TMEM232: variants seen among roughly 807,000 people sequenced by gnomAD.
TMEM232 encodes transmembrane protein 232.
A neutral mutation model predicts 78.8 loss-of-function variants in TMEM232; 80 were observed. The ratio of observed to expected loss-of-function variants is 1.01; its 90% CI spans 0.85 to 1.22. TMEM232 has a LOEUF of 1.22. Among genes scored for constraint, TMEM232 ranks in the 50% most tolerant of loss-of-function variants. The probability of loss-of-function intolerance (pLI) is 0.00; values close to 1 mark genes in which losing one functional copy is unlikely to be tolerated. For synonymous variants in TMEM232, 297 were observed against 254.3 expected, an observed-to-expected ratio of 1.17 and a Z score of -1.60; for missense variants, 881 against 742.2, an observed-to-expected ratio of 1.19 and a Z score of -2.17.
In TMEM232 at chr5:110,532,130, G is replaced by C. The variant is rs575610144; in HGVS notation, c.1456-3295C>G. ...GCTTGCTACAAGTGCCAAAAATCTG[G>C]CCACCAAGCCAAAGAATAGCCGCAG... On this transcript the variant is annotated intron_variant, in intron 11 of 13. Coordinates refer to ENST00000455884, the MANE Select transcript of TMEM232 (RefSeq NM_001039763.4). 7.2e-5 allele frequency among the ~76,000 whole-genome samples: 11 copies of C among 152,100 alleles called. No homozygotes were observed. In the East Asian group the frequency reaches 1.7e-3, roughly 24 times the overall value.
intron 2 of TMEM232, among the ~76,000 whole-genome samples, chr5:110,404,186 C>A (rs933325341): frequency 6.6e-6 from 1 of 151,988 alleles, no homozygotes; most frequent in Non-Finnish European, 1.5e-5. Context: ...AGAGGCTTAA[C>A]TTATAATGTC....
chr5:110,534,604 C>T (rs1772048897), intron 11 of TMEM232, among the ~76,000 whole-genome samples: 1 of 152,120 alleles, frequency 6.6e-6, no homozygotes, highest in African/African-American at 2.4e-5. Context: ...TCCTATTCAC[C>T]GTTCTCAACT....
chr5:110,645,175 G>C (rs10463609), intron 2 of TMEM232, among the ~76,000 whole-genome samples: 26,087 of 151,342 alleles, frequency 0.17, 3,207 homozygotes, highest in African/African-American at 0.34. Flanking sequence ...TACCAACTCT[G>C]TTAAACTCTT....
At chr5:110,492,440 T>A (rs1405907374) in intron 12 of TMEM232, among the ~76,000 whole-genome samples, 1 of 151,826 alleles carries the variant, frequency 6.6e-6, no homozygotes, top group South Asian at 2.1e-4. Context: ...TAAAAATATA[T>A]CTTATTAATG....
chr5:110,595,501 C>T (rs574271479), intron 10 of TMEM232, among the ~76,000 whole-genome samples: 2 of 152,022 alleles, frequency 1.3e-5, no homozygotes, highest in South Asian at 4.2e-4. Flanking sequence ...ATGTTCTAAC[C>T]CAATACAAGG....
At chr5:110,490,541 C>G (rs894624629) in intron 12 of TMEM232, among the ~76,000 whole-genome samples, 1 of 151,996 alleles carries the variant, frequency 6.6e-6, no homozygotes, top group Admixed American at 6.6e-5. Context: ...TGCAGTGGAA[C>G]AAGAATAGCC....
At chr5:110,717,034 A>T (rs901189175) in intron 1 of TMEM232, among the ~76,000 whole-genome samples, 3 of 152,118 alleles carry the variant, frequency 2.0e-5, no homozygotes, top group African/African-American at 7.2e-5. Context: ...AGACTAGTTG[A>T]AAGACCACTT....
chr5:110,527,756 C>A (rs187350649), intron 12 of TMEM232, among the ~76,000 whole-genome samples: 131 of 151,972 alleles, frequency 8.6e-4, no homozygotes, highest in Admixed American at 1.6e-3. Context: ...GAGCACTGAA[C>A]ATATCAAAAA....
rs766765468 is a variant in TMEM232 at position 110,568,417 on chromosome 5, A to G, written c.1455+30T>C. 6.7e-6 allele frequency: 10 copies of G among 1,499,794 alleles called. No homozygotes were observed. In the South Asian group the frequency reaches 7.8e-5, roughly 12 times the overall value. The allele number at this position is 1,499,794 out of a possible 1,614,324, so 92.9% of individuals were successfully genotyped here. On this transcript the variant is annotated intron_variant, in intron 11 of 13. Transcript: ENST00000455884. ...AACCGTGCTTCCTAATGATAGATGT[A>G]CATATTTATTGCCCAGTGTTTTACC...
chr5:110,733,639 A>G (rs1580828933), intron 2 of TMEM232, among the ~76,000 whole-genome samples: 3 of 152,324 alleles, frequency 2.0e-5, no homozygotes, highest in Non-Finnish European at 4.4e-5. Flanking sequence ...TGATGAGAAC[A>G]CAGAGACACA....
At chr5:110,651,434 G>A (rs941280829) in intron 2 of TMEM232, among the ~76,000 whole-genome samples, 10 of 150,822 alleles carry the variant, frequency 6.6e-5, no homozygotes, top group Non-Finnish European at 1.5e-4. Context: ...AAGGAAGGAA[G>A]GGAAGGGGAG....
intron 12 of TMEM232, among the ~76,000 whole-genome samples, chr5:110,432,149 A>G (rs1757926423): frequency 6.6e-6 from 1 of 151,676 alleles, no homozygotes; most frequent in Non-Finnish European, 1.5e-5. Flanking sequence ...GTGAGATACT[A>G]TATAAGGTCA....
chr5:110,555,375 G>A (rs1774955486), intron 11 of TMEM232, among the ~76,000 whole-genome samples: 1 of 152,078 alleles, frequency 6.6e-6, no homozygotes, highest in Admixed American at 6.6e-5. Context: ...GAGTATAATT[G>A]GTATGATTTT....
intron 11 of TMEM232, among the ~76,000 whole-genome samples, chr5:110,550,064 T>TA (rs1227023830): frequency 6.6e-6 from 1 of 152,172 alleles, no homozygotes; most frequent in African/African-American, 2.4e-5. Flanking sequence ...TGCAAAATCT[T>TA]AAAGTATTAT....
chr5:110,627,501 T>A (rs567414083), intron 6 of TMEM232, among the ~76,000 whole-genome samples: 3 of 152,112 alleles, frequency 2.0e-5, no homozygotes, highest in South Asian at 2.1e-4. Flanking sequence ...ACATGATAAC[T>A]ATAGTTAATA....
chr5:110,514,937 A>C (rs1390954343), intron 12 of TMEM232, among the ~76,000 whole-genome samples: 1 of 152,260 alleles, frequency 6.6e-6, no homozygotes, highest in Non-Finnish European at 1.5e-5. Context: ...TCTAAAAATC[A>C]TACGGCAGAA....
chr5:110,414,396 T>G (rs1756110611), intron 2 of TMEM232, among the ~76,000 whole-genome samples: 1 of 152,256 alleles, frequency 6.6e-6, no homozygotes, highest in Non-Finnish European at 1.5e-5. Context: ...TGATTGCATA[T>G]ATTAGATTGA....
intron 8 of TMEM232, among the ~76,000 whole-genome samples, chr5:110,606,906 T>C (rs939642795): frequency 3.3e-5 from 5 of 151,984 alleles, no homozygotes; most frequent in African/African-American, 1.2e-4. Context: ...TGTGATACTT[T>C]TACTAAATGA....
chr5:110,512,858 T>C (rs931915530), intron 12 of TMEM232, among the ~76,000 whole-genome samples: 2 of 152,212 alleles, frequency 1.3e-5, no homozygotes, highest in African/African-American at 4.8e-5. Context: ...GATCTGTATT[T>C]GAAATATAGA....
Sources: allele counts gnomAD v4.1 joint callset (sites outside exome capture counted in the v4.1 genomes callset), GRCh38; gene constraint gnomAD v4.1.1; transcripts MANE v1.5; gene names NCBI Gene and HGNC (gene_info 2026-07-23, HGNC 2026-07-21).